ZSCAN4: variants seen among roughly 807,000 people sequenced by gnomAD.
The protein encoded by ZSCAN4 is zinc finger and SCAN domain containing 4.
A neutral mutation model predicts 18.3 loss-of-function variants in ZSCAN4; 18 were observed. That is an observed-to-expected ratio of 0.98 (90% CI 0.68 to 1.46). The LOEUF is 1.46. ZSCAN4 is among the 40% of genes most tolerant of loss of function. The probability of loss-of-function intolerance (pLI) is 0.00; values close to 1 mark genes in which losing one functional copy is unlikely to be tolerated. For missense variants in ZSCAN4, 498 were observed against 511.4 expected (o/e 0.97, Z 0.25); for synonymous variants, 193 against 180.3 (o/e 1.07, Z -0.57).
the ZSCAN4 span, among the ~76,000 whole-genome samples, chr19:57,659,198 G>C: frequency 6.6e-6 from 1 of 152,092 alleles, no homozygotes; most frequent in Admixed American, 6.6e-5. Context: ...TTACTTCTCA[G>C]CTGTATCCTG....
At chr19:57,678,925 G>A in exon 5 of ZSCAN4, 1 of 1,545,684 alleles carries the variant, frequency 6.5e-7, no homozygotes, top group Non-Finnish European at 8.7e-7. Flanking sequence ...CTGATAATGT[G>A]TATAAATATG....
At chr19:57,674,313 C>T (rs1161049900) in intron 2 of ZSCAN4, among the ~76,000 whole-genome samples, 1 of 152,140 alleles carries the variant, frequency 6.6e-6, no homozygotes, top group African/African-American at 2.4e-5. Flanking sequence ...TTTTTCAATA[C>T]CCATTTCCCT....
At chr19:57,677,327 C>T (rs1479756786) in intron 3 of ZSCAN4, among the ~76,000 whole-genome samples, 1 of 152,150 alleles carries the variant, frequency 6.6e-6, no homozygotes, top group African/African-American at 2.4e-5. Flanking sequence ...GTGCATGTTT[C>T]CAGGTGAGGT....
intron 3 of ZSCAN4, among the ~76,000 whole-genome samples, chr19:57,677,350 C>T (rs570101767): frequency 1.3e-4 from 20 of 152,258 alleles, no homozygotes; most frequent in African/African-American, 4.8e-4. Context: ...AACAAGGCCA[C>T]AACCTCACTT....
chr19:57,662,225 T>C, the ZSCAN4 span, among the ~76,000 whole-genome samples: 2 of 152,120 alleles, frequency 1.3e-5, no homozygotes, highest in Non-Finnish European at 2.9e-5. Context: ...AGCAAAGTAA[T>C]ACAAGCTACA....
chr19:57,656,634 C>T, the ZSCAN4 span, among the ~76,000 whole-genome samples: 3 of 152,182 alleles, frequency 2.0e-5, no homozygotes, highest in Non-Finnish European at 4.4e-5. Context: ...TTGACTTCAC[C>T]CATATACCCC....
chr19:57,653,390 GAAAAA>G, the ZSCAN4 span, among the ~76,000 whole-genome samples: 1 of 76,474 alleles, frequency 1.3e-5, no homozygotes, highest in East Asian at 3.7e-4. Flanking sequence ...CCATCTCAAA[GAAAAA>G]AAAAAAAAAA....
exon 4 of ZSCAN4, chr19:57,677,961 G>A (rs1449607090): frequency 1.3e-6 from 2 of 1,589,630 alleles, no homozygotes; most frequent in Admixed American, 1.8e-5. Flanking sequence ...CTGAGGATAT[G>A]CCCTTAAGAG....
At chr19:57,678,250 T>G in exon 5 of ZSCAN4, 2 of 1,614,158 alleles carry the variant, frequency 1.2e-6, no homozygotes, top group Non-Finnish European at 8.5e-7. Context: ...GGCAATCAAA[T>G]AGTTTCCCTA....
At chr19:57,657,340 A>G in the ZSCAN4 span, among the ~76,000 whole-genome samples, 1 of 152,088 alleles carries the variant, frequency 6.6e-6, no homozygotes, top group Non-Finnish European at 1.5e-5. Context: ...TTCACTAAAG[A>G]TGATATATGA....
chr19:57,664,327 G>C (rs1983797684), upstream of ZSCAN4: 1 of 153,142 alleles, frequency 6.5e-6, no homozygotes, highest in African/African-American at 2.4e-5. Flanking sequence ...AGAGCCCCAG[G>C]ACGCTGCTGG....
At chr19:57,655,330 T>C in the ZSCAN4 span, among the ~76,000 whole-genome samples, 2 of 152,160 alleles carry the variant, frequency 1.3e-5, no homozygotes, top group African/African-American at 4.8e-5. Context: ...AAAAATGCCC[T>C]TTCAATGTCG....
upstream of ZSCAN4, chr19:57,664,203 G>A (rs1000809665): frequency 6.6e-6 from 1 of 152,146 alleles, no homozygotes; most frequent in Non-Finnish European, 1.5e-5. Flanking sequence ...ACGAGAGGAA[G>A]GGAGGAAGGG....
intron 2 of ZSCAN4, among the ~76,000 whole-genome samples, chr19:57,673,151 C>T (rs1156420423): frequency 6.8e-6 from 1 of 146,776 alleles, no homozygotes; most frequent in Non-Finnish European, 1.5e-5. Flanking sequence ...TGGGTTCAAG[C>T]GATTCTCCTG....
chr19:57,664,455 C>CCGGGGCGGGGGAGGAGT (rs1983801749), upstream of ZSCAN4: 1 of 152,224 alleles, frequency 6.6e-6, no homozygotes, highest in Non-Finnish European at 1.5e-5. Flanking sequence ...CCCGCAGCAC[C>CCGGGGCGGGGGAGGAGT]CGGGGCGGGG....
chr19:57,664,517 C>T, upstream of ZSCAN4: 1 of 152,364 alleles, frequency 6.6e-6, no homozygotes, highest in Non-Finnish European at 1.5e-5. Flanking sequence ...CCCGGGGCTG[C>T]GGCTGCAGGC....
chr19:57,659,348 C>A, the ZSCAN4 span, among the ~76,000 whole-genome samples: 1 of 152,038 alleles, frequency 6.6e-6, no homozygotes, highest in Non-Finnish European at 1.5e-5. Context: ...TGTTGATATA[C>A]CCCATATAAT....
chr19:57,678,916 T>G (rs1324694489), exon 5 of ZSCAN4: 2 of 1,569,184 alleles, frequency 1.3e-6, no homozygotes, highest in Admixed American at 2.0e-5. Flanking sequence ...GCTGCTGGTC[T>G]GATAATGTGT....
At chr19:57,653,755 C>G in the ZSCAN4 span, among the ~76,000 whole-genome samples, 1 of 152,216 alleles carries the variant, frequency 6.6e-6, no homozygotes, top group Non-Finnish European at 1.5e-5. Flanking sequence ...TCACCAGGAG[C>G]CTGTTTTAAG....
Sources: allele counts gnomAD v4.1 joint callset (sites outside exome capture counted in the v4.1 genomes callset), GRCh38; gene constraint gnomAD v4.1.1; transcripts MANE v1.5; gene names NCBI Gene and HGNC (gene_info 2026-07-23, HGNC 2026-07-21).